PADI3: variants seen among roughly 807,000 people sequenced by gnomAD.
PADI3 encodes peptidyl arginine deiminase 3, also known as protein-arginine deiminase type-3.
In PADI3, 53 loss-of-function variants were observed where a neutral mutation model predicts 71.5. The observed-to-expected ratio is 0.74, with a 90% CI of 0.59 to 0.93. PADI3 has a LOEUF of 0.93. Ranked by LOEUF, PADI3 falls within the 40% of genes least tolerant of loss-of-function variation. The pLI is 0.00. For missense variants in PADI3, 821 were observed against 868.0 expected (o/e 0.95, Z 0.68); for synonymous variants, 361 against 347.5 (o/e 1.04, Z -0.43).
chr1:17,274,603 C>A (rs778272664), intron 10 of PADI3, 32 bp from the exon 11 acceptor site: 5 of 1,588,858 alleles, frequency 3.1e-6, no homozygotes, highest in South Asian at 2.3e-5. Context: ...CTGGTACCCT[C>A]CACCCCCGCC....
chr1:17,252,400 C>CTTTTT (rs55649122), intron 1 of PADI3, among the ~76,000 whole-genome samples: 3 of 118,998 alleles, frequency 2.5e-5, no homozygotes, highest in African/African-American at 3.5e-5. Context: ...TTTTCTTCTT[C>CTTTTT]TTTTTTTTTT....
chr1:17,261,296 G>A (rs1238145921), intron 2 of PADI3, among the ~76,000 whole-genome samples: 2 of 152,168 alleles, frequency 1.3e-5, no homozygotes, highest in South Asian at 2.1e-4. Flanking sequence ...AACAGTTCTT[G>A]AGTGCTCGCT....
intron 10 of PADI3, among the ~76,000 whole-genome samples, chr1:17,273,684 A>G (rs748534001): frequency 6.6e-6 from 1 of 152,202 alleles, no homozygotes; most frequent in Non-Finnish European, 1.5e-5. Flanking sequence ...TACACTAAAA[A>G]AGTTGTCGTT....
At chr1:17,268,589 C>T (rs2073203841) in intron 6 of PADI3, among the ~76,000 whole-genome samples, 1 of 146,306 alleles carries the variant, frequency 6.8e-6, no homozygotes, top group African/African-American at 2.5e-5. Context: ...GTCACTGCAA[C>T]CTCCACCTCC....
chr1:17,253,409 G>A (rs1320349874), intron 1 of PADI3, among the ~76,000 whole-genome samples: 1 of 152,196 alleles, frequency 6.6e-6, no homozygotes, highest in Non-Finnish European at 1.5e-5. Context: ...CGGGTGCACA[G>A]CTCTCGCACC....
In PADI3 at chr1:17,275,271, T is replaced by TA. The variant is rs35532821; in HGVS notation, c.1307+501dup. Among the ~76,000 whole-genome samples the TA allele has an allele frequency of 1.2e-3, 168 of 137,964 alleles. 1 individual carries two copies. The highest frequency in any genetic ancestry group is 7.0e-3 in the East Asian group (33 of 4,692). 90.5% of individuals were successfully genotyped at this position (137,964 alleles called of 152,430 possible). On this transcript the variant is annotated intron_variant, in intron 11 of 15. Coordinates refer to ENST00000375460, the MANE Select transcript of PADI3 (RefSeq NM_016233.2). ...TAACATGGTGAAACTCCGTCTCTAC[T>TA]AAAAAAAAAAAAAAAATTAGCCAGG...
In PADI3 at chr1:17,271,049, C is replaced by T; in HGVS notation, c.936-18C>T. On this transcript the variant is annotated intron_variant, in intron 8 of 15. Coordinates refer to ENST00000375460, the MANE Select transcript of PADI3 (RefSeq NM_016233.2). ...CCCGGCTCCATCCTGAGCCCCTCTT[C>T]CCTGGGCTTGTCCGTAGTGTGAGGA... 2 of 1,613,890 alleles carry T rather than the reference C, an allele frequency of 1.2e-6. No homozygotes were observed. The highest frequency in any genetic ancestry group is 1.7e-6 in the Non-Finnish European group (2 of 1,179,794).
chr1:17,254,234 A>G (rs4920583), intron 1 of PADI3, among the ~76,000 whole-genome samples: 14,033 of 152,134 alleles, frequency 0.092, 692 homozygotes, highest in South Asian at 0.2. Context: ...GGGGAGGGGC[A>G]GCTGGAACTG....
intron 8 of PADI3, 40 bp from the exon 9 acceptor site, chr1:17,271,027 G>T (rs368973782): frequency 2.5e-5 from 40 of 1,613,194 alleles, no homozygotes; most frequent in Non-Finnish European, 3.3e-5. Flanking sequence ...CCCAGGCCCC[G>T]GCTCCATCCT....
In PADI3 at chr1:17,282,941, C is replaced by A; in HGVS notation, c.1857C>A (p.Ser619=). The part of the protein sequence containing the change: ...GCCCLEEKVR[S]LLEPLGLHCT... ...GCTGCCTGGAGGAGAAGGTGCGGTC[C>A]CTGCTGGAGCCGCTGGGCCTCCACT... is the stretch of plus-strand genomic sequence containing the variant. Residue 619 remains serine (S), a synonymous_variant, in exon 16 of 16, where the codon TCC becomes TCA. Coordinates refer to ENST00000375460, the MANE Select transcript of PADI3 (RefSeq NM_016233.2). The A allele has an allele frequency of 1.2e-6, 2 of 1,614,174 alleles. No individual in the cohort carries two copies. The highest frequency in any genetic ancestry group is 8.5e-7 in the Non-Finnish European group (1 of 1,180,008).
intron 1 of PADI3, among the ~76,000 whole-genome samples, chr1:17,257,082 C>T (rs1405586916): frequency 7.0e-6 from 1 of 141,904 alleles, no homozygotes. Context: ...AGATGGAAGG[C>T]GAGTGCCTCA....
intron 6 of PADI3, among the ~76,000 whole-genome samples, chr1:17,269,505 G>GT (rs1444637548): frequency 4.6e-5 from 7 of 152,216 alleles, no homozygotes; most frequent in African/African-American, 1.7e-4. Flanking sequence ...TGGGTGCACT[G>GT]TAGTTGCACA....
intron 6 of PADI3, among the ~76,000 whole-genome samples, chr1:17,269,705 C>A (rs1031088514): frequency 1.6e-4 from 24 of 151,978 alleles, no homozygotes; most frequent in African/African-American, 5.3e-4. Flanking sequence ...GCAACCTCCG[C>A]CTCCTGGGTT....
In PADI3 at chr1:17,283,062, T is replaced by C; in HGVS notation, c.1978T>C (p.Trp660Arg). 6.2e-7 allele frequency: 1 copy of C among 1,613,942 alleles called. No homozygotes were observed. The highest frequency in any genetic ancestry group is 8.5e-7 in the Non-Finnish European group (1 of 1,179,826). ...VCRKPFSFKW[W>R]NMVP ...CAGAAAGCCCTTCTCTTTCAAGTGG[T>C]GGAACATGGTGCCCTGAGACAGCTC... Residue 660 changes from tryptophan (W) to arginine (R), a missense_variant, in exon 16 of 16, where the codon TGG becomes CGG. Physicochemically the swap from Trp to Arg is moderately radical, Grantham distance 101 (BLOSUM62 -3). Coordinates refer to ENST00000375460, the MANE Select transcript of PADI3 (RefSeq NM_016233.2).
chr1:17,257,283 G>T (rs189137588), intron 1 of PADI3, among the ~76,000 whole-genome samples: 10 of 152,284 alleles, frequency 6.6e-5, no homozygotes, highest in South Asian at 2.1e-4. Context: ...TTTCCCCTGT[G>T]GGGGGCTGCC....
At chr1:17,259,835 C>T (rs1235252430) in intron 2 of PADI3, 77 bp downstream of exon 2, 2 of 1,320,184 alleles carry the variant, frequency 1.5e-6, no homozygotes, top group African/African-American at 3.0e-5. Flanking sequence ...CCAACATTCT[C>T]TTTCTCCAGA....
At position 17,271,063 on chromosome 1, in the gene PADI3, G is replaced by A. The variant is rs776734446; in HGVS notation, c.936-4G>A. ...GAGCCCCTCTTCCCTGGGCTTGTCC[G>A]TAGTGTGAGGAACAACACGTGTTTT... On this transcript the variant is annotated splice_polypyrimidine_tract_variant and splice_region_variant and intron_variant, in intron 8 of 15. Transcript: ENST00000375460. 6.8e-6 allele frequency: 11 copies of A among 1,613,910 alleles called. 1 individual carries two copies. The highest frequency in any genetic ancestry group is 4.0e-5 in the African/African-American group (3 of 74,904).
At chr1:17,273,555 G>A in intron 10 of PADI3, 108 bp downstream of exon 10, 1 of 640,988 alleles carries the variant, frequency 1.6e-6, no homozygotes, top group Non-Finnish European at 2.7e-6. Context: ...GTGCTCTTTA[G>A]GGATGAGGGT....
At chr1:17,252,400 C>CTTTTTA (rs1553132679) in intron 1 of PADI3, among the ~76,000 whole-genome samples, 3 of 119,000 alleles carry the variant, frequency 2.5e-5, no homozygotes, top group Non-Finnish European at 5.2e-5. Flanking sequence ...TTTTCTTCTT[C>CTTTTTA]TTTTTTTTTT....
Sources: gnomAD v4.1 joint callset for allele counts (sites outside exome capture counted in the v4.1 genomes callset) on GRCh38, gnomAD v4.1.1 for gene constraint, MANE v1.5 for transcripts, NCBI Gene and HGNC (gene_info 2026-07-23, HGNC 2026-07-21) for gene names.